The following ZRANB1 variants were observed in gnomAD, a reference collection of about 807,000 sequenced individuals.
The protein encoded by ZRANB1 is ubiquitin thioesterase ZRANB1.
In ZRANB1, 16 loss-of-function variants were observed where a neutral mutation model predicts 80.5. The ratio of observed to expected loss-of-function variants is 0.20; its 90% CI spans 0.13 to 0.30. The LOEUF is 0.30. Among genes scored for constraint, ZRANB1 ranks in the 10% least tolerant of loss-of-function variants. The probability of loss-of-function intolerance (pLI) is 1.00; values close to 1 mark genes in which losing one functional copy is unlikely to be tolerated. For synonymous variants in ZRANB1, 291 were observed against 293.1 expected, an observed-to-expected ratio of 0.99 and a Z score of 0.07; for missense variants, 576 against 862.6, an observed-to-expected ratio of 0.67 and a Z score of 4.16.
In ZRANB1 at chr10:124,979,075, T is replaced by C. The variant is rs988695192; in HGVS notation, c.1428-2634T>C. On this transcript the variant is annotated intron_variant, in intron 5 of 8. Transcript: ENST00000359653. The stretch of plus-strand genomic sequence containing the variant: ...AATGAGATACTACTTCACATGCACA[T>C]AAATGGCCATAACCAAAAAGACAAA... Among the ~76,000 whole-genome samples the C allele has an allele frequency of 7.2e-5, 11 of 152,088 alleles. 1 individual carries two copies. Among genetic ancestry groups the C allele is most frequent in the African/African-American group, 2.4e-5 (1 of 41,396 alleles).
chr10:124,947,140 A>G (rs1951592345), intron 1 of ZRANB1, among the ~76,000 whole-genome samples: 1 of 152,186 alleles, frequency 6.6e-6, no homozygotes, highest in African/African-American at 2.4e-5. Flanking sequence ...CACATAAGTC[A>G]TATTATCTTA....
At chr10:124,927,122 A>AT in the ZRANB1 span, among the ~76,000 whole-genome samples, 29 of 151,506 alleles carry the variant, frequency 1.9e-4, no homozygotes, top group South Asian at 4.2e-4. Context: ...CGCCCGGCTA[A>AT]TTTTTTGTAT....
chr10:124,946,987 T>C lies in ZRANB1; in HGVS notation c.814+3680T>C, dbSNP rs570727851. On this transcript the variant is annotated intron_variant, in intron 1 of 8. Transcript: ENST00000359653. ...AATGTGAGACTTTTCCATTTAAAGT[T>C]GGAAAAAAATTGCAACCTCAGGTCA... Among the ~76,000 whole-genome samples the C allele has an allele frequency of 7.9e-4, 121 of 152,292 alleles. 1 individual carries two copies. Among genetic ancestry groups the C allele is most frequent in the Middle Eastern group, 3.4e-3 (1 of 294 alleles).
upstream of ZRANB1, among the ~76,000 whole-genome samples, chr10:124,939,672 A>C (rs1951517985): frequency 6.6e-6 from 1 of 152,194 alleles, no homozygotes; most frequent in Non-Finnish European, 1.5e-5. Context: ...AATTACTTAG[A>C]GTAGCCCTGG....
At chr10:124,967,211 A>T (rs912206591) in intron 2 of ZRANB1, among the ~76,000 whole-genome samples, 10 of 151,946 alleles carry the variant, frequency 6.6e-5, no homozygotes, top group Non-Finnish European at 1.3e-4. Flanking sequence ...GCCAAGTGTT[A>T]TGCCAGTACT....
At position 124,962,176 on chromosome 10, in the gene ZRANB1, C is replaced by G. The variant is rs541689603; in HGVS notation, c.815-4418C>G. ...TATAGTTTCCTTTTAATATGAAAAC[C>G]GGTTAAATGAGTTAAACTCTGGCTA... is the stretch of plus-strand genomic sequence containing the variant. On this transcript the variant is annotated intron_variant, in intron 1 of 8. Transcript: ENST00000359653. Among the ~76,000 whole-genome samples the G allele has an allele frequency of 2.0e-5, 3 of 152,226 alleles. No individual in the cohort carries two copies. The East Asian group carries it at 5.8e-4, about 29-fold the overall frequency.
At chr10:124,920,519 C>G in the ZRANB1 span, among the ~76,000 whole-genome samples, 5 of 152,120 alleles carry the variant, frequency 3.3e-5, no homozygotes, top group Non-Finnish European at 5.9e-5. Context: ...TCAGTCCTAA[C>G]TCTAATTTAT....
In ZRANB1 at chr10:124,987,373, T is replaced by C. The variant is rs1465255678; in HGVS notation, c.*2381T>C. On this transcript the variant is annotated 3_prime_UTR_variant, in exon 9 of 9. Transcript: ENST00000359653. ...CCTTGGGGTCAAATTTATATATATATATATAAATTTTTGTTTGGGCGACCA... is the reference window on the plus strand; with the variant it reads ...CCTTGGGGTCAAATTTATATATATACATATAAATTTTTGTTTGGGCGACCA... The C allele has an allele frequency of 6.6e-6, 1 of 151,510 alleles. No individual in the cohort carries two copies. The highest frequency in any genetic ancestry group is 1.5e-5 in the Non-Finnish European group (1 of 67,926). 9.4% of individuals were successfully genotyped at this position (151,510 alleles called of 1,614,324 possible).
At chr10:124,947,776 A>G (rs1951597202) in intron 1 of ZRANB1, among the ~76,000 whole-genome samples, 1 of 152,106 alleles carries the variant, frequency 6.6e-6, no homozygotes, top group African/African-American at 2.4e-5. Flanking sequence ...TCTATTTCTG[A>G]GAAGATTCTT....
At chr10:124,926,328 A>T in the ZRANB1 span, among the ~76,000 whole-genome samples, 1 of 152,240 alleles carries the variant, frequency 6.6e-6, no homozygotes, top group African/African-American at 2.4e-5. Flanking sequence ...TTTAATTTTT[A>T]AAAAAACTTT....
chr10:124,935,491 A>G, the ZRANB1 span, among the ~76,000 whole-genome samples: 12 of 152,198 alleles, frequency 7.9e-5, no homozygotes, highest in Non-Finnish European at 1.6e-4. Context: ...CTGGTGTCAT[A>G]TGGTTCAGAT....
chr10:124,945,377 T>C (rs1337937288), intron 1 of ZRANB1: 4 of 152,040 alleles, frequency 2.6e-5, no homozygotes, highest in Non-Finnish European at 4.4e-5. Flanking sequence ...GTCTTTTAAT[T>C]GCTTGTATGC....
the ZRANB1 span, among the ~76,000 whole-genome samples, chr10:124,918,471 G>A: frequency 6.6e-6 from 1 of 152,370 alleles, no homozygotes; most frequent in African/African-American, 2.4e-5. Context: ...TTATAGGCAT[G>A]TGCCACCGCG....
At chr10:124,978,526 A>G (rs1951900944) in intron 5 of ZRANB1, among the ~76,000 whole-genome samples, 1 of 152,202 alleles carries the variant, frequency 6.6e-6, no homozygotes, top group Non-Finnish European at 1.5e-5. Context: ...AATATATTGT[A>G]CTTGCCTTTC....
intron 1 of ZRANB1, among the ~76,000 whole-genome samples, chr10:124,961,990 C>G (rs912013423): frequency 1.3e-5 from 2 of 152,112 alleles, no homozygotes; most frequent in African/African-American, 2.4e-5. Flanking sequence ...TGAGATTGTT[C>G]CTGTGCTTTT....
At chr10:124,968,872 C>T (rs1233613339) in intron 2 of ZRANB1, among the ~76,000 whole-genome samples, 2 of 152,140 alleles carry the variant, frequency 1.3e-5, no homozygotes. Flanking sequence ...CACAGATTGT[C>T]TGGAAACTTA....
intron 1 of ZRANB1, among the ~76,000 whole-genome samples, chr10:124,964,300 T>G (rs1243693185): frequency 6.6e-6 from 1 of 152,234 alleles, no homozygotes; most frequent in Non-Finnish European, 1.5e-5. Flanking sequence ...GCTGATTTTG[T>G]TGTGCTATGT....
At chr10:124,957,531 T>C (rs1340996490) in intron 1 of ZRANB1, among the ~76,000 whole-genome samples, 1 of 152,178 alleles carries the variant, frequency 6.6e-6, no homozygotes, top group African/African-American at 2.4e-5. Context: ...CTTGGAAAAC[T>C]GAAACTCTGT....
chr10:124,966,919 T>A, intron 2 of ZRANB1, 138 bp downstream of exon 2: 1 of 786,308 alleles, frequency 1.3e-6, no homozygotes, highest in Non-Finnish European at 2.0e-6. Context: ...AAAATAACAT[T>A]AAACTTAAGA....
Sources: gnomAD v4.1 joint callset for allele counts (sites outside exome capture counted in the v4.1 genomes callset) on GRCh38, gnomAD v4.1.1 for gene constraint, MANE v1.5 for transcripts, NCBI Gene and HGNC (gene_info 2026-07-23, HGNC 2026-07-21) for gene names.